Variants in ADORA2A observed in about 807,000 individuals in gnomAD.
The protein encoded by ADORA2A is adenosine receptor A2a.
Under a neutral mutation model 18.4 loss-of-function variants are expected in ADORA2A, and 11 were observed. The ratio of observed to expected loss-of-function variants is 0.60; its 90% CI spans 0.38 to 0.99. The LOEUF is 0.99. Ranked by LOEUF, ADORA2A falls within the 50% of genes least tolerant of loss-of-function variation. The probability of loss-of-function intolerance (pLI) is 0.01; values close to 1 mark genes in which losing one functional copy is unlikely to be tolerated. For missense variants in ADORA2A, 449 were observed against 556.1 expected (o/e 0.81, Z 1.94); for synonymous variants, 218 against 237.3 (o/e 0.92, Z 0.75).
chr22:24,425,751 G>A (rs993539274), upstream of ADORA2A, among the ~76,000 whole-genome samples: 2 of 152,252 alleles, frequency 1.3e-5, no homozygotes, highest in African/African-American at 4.8e-5. Context: ...TGCCTCATGG[G>A]CAACGCGATG....
intron 2 of ADORA2A, among the ~76,000 whole-genome samples, chr22:24,437,203 G>A (rs2043202020): frequency 6.6e-6 from 1 of 152,188 alleles, no homozygotes; most frequent in African/African-American, 2.4e-5. Context: ...CTGCAAGCCG[G>A]GGGACACAGA....
Position 24,433,426 on chromosome 22 carries a change from G to T in ADORA2A, c.22G>T (p.Val8Leu). Residue 8 changes from valine to leucine, a missense_variant, in exon 2 of 3, where the codon GTG (valine) becomes TTG (leucine). Transcript: ENST00000337539. The stretch of plus-strand genomic sequence containing the variant: ...GGCCATGCCCATCATGGGCTCCTCG[G>T]TGTACATCACGGTGGAGCTGGCCAT... MPIMGSS[V>L]YITVELAIAV... 6.2e-7 allele frequency: 1 copy of T among 1,613,206 alleles called. No individual in the cohort carries two copies.
intron 1 of ADORA2A, chr22:24,430,802 C>T: frequency 3.1e-6 from 1 of 319,366 alleles, no homozygotes. Flanking sequence ...TGGCATCCTT[C>T]AATGCAGATG....
intron 1 of ADORA2A, chr22:24,431,068 G>A (rs1362121236): frequency 4.4e-6 from 2 of 450,192 alleles, no homozygotes; most frequent in Non-Finnish European, 9.0e-6. Flanking sequence ...GAGAGGCCAA[G>A]AGCATCAGGG....
At chr22:24,424,583 C>A (rs2042897455), upstream of ADORA2A, 1 of 152,256 alleles carries the variant, frequency 6.6e-6, no homozygotes, top group Admixed American at 6.5e-5. This position sits in a 1 kb window ranked among gnomAD's most constrained non-coding sequence, Gnocchi z 4.9. Flanking sequence ...GATACCCGAG[C>A]GCCCGGGACG....
chr22:24,433,873 C>A (rs2043109326), intron 2 of ADORA2A, 137 bp downstream of exon 2: 2 of 1,010,962 alleles, frequency 2.0e-6, no homozygotes, highest in Non-Finnish European at 2.8e-6. Context: ...GGGCCCCAGG[C>A]TCAGCAGGGG....
Sources: allele counts gnomAD v4.1 joint callset (sites outside exome capture counted in the v4.1 genomes callset), GRCh38; gene constraint gnomAD v4.1.1; non-coding constraint Gnocchi (gnomAD v3.1); transcripts MANE v1.5; gene names NCBI Gene and HGNC (gene_info 2026-07-23, HGNC 2026-07-21).